Variants in SHTN1 observed in about 807,000 individuals in gnomAD.
SHTN1 encodes shootin 1, also known as shootin-1.
SHTN1 carries 42 observed loss-of-function variants against 83.1 expected under a neutral mutation model. That is an observed-to-expected ratio of 0.51 (90% CI 0.39 to 0.65). The LOEUF (loss-of-function observed/expected upper bound fraction) is 0.65, where lower values mean the gene tolerates loss of function less well. SHTN1 is among the 30% of genes least tolerant of loss of function. The pLI is 0.00. For missense variants in SHTN1, 622 were observed against 737.8 expected (o/e 0.84, Z 1.82); for synonymous variants, 224 against 247.7 (o/e 0.90, Z 0.90).
intron 10 of SHTN1, 143 bp from the exon 11 acceptor site, chr10:116,928,034 G>C (rs1848810177): frequency 1.1e-6 from 1 of 893,068 alleles, no homozygotes; most frequent in Non-Finnish European, 1.7e-6. Context: ...TGAAATTACA[G>C]ACCTTTTTAA....
In SHTN1 at chr10:116,979,311, A is replaced by G; in HGVS notation, c.59-3T>C. 3 of 1,613,090 alleles carry G rather than the reference A, an allele frequency of 1.9e-6. No homozygotes were observed. The highest frequency in any genetic ancestry group is 1.7e-5 in the Admixed American group (1 of 60,030). The stretch of plus-strand genomic sequence containing the variant: ...AAGGTCTTCATATTCGCCTATTGCT[A>G]AAAGAAAAAAGGAAAGCAACATTAC... On this transcript the variant is annotated splice_region_variant and splice_polypyrimidine_tract_variant and intron_variant, in intron 1 of 16. Transcript: ENST00000355371.
rs143131611 is a variant in SHTN1, at chr10:117,040,731, G to A, written c.-123+7714C>T. ...TCAATTGACTTTTCATTACTTTTGT[G>A]GTGTTTACTATGGTCTGAACAGTTT... On this transcript the variant is annotated intron_variant, in intron 2 of 17. Coordinates refer to the SHTN1 transcript ENST00000392901. 5.9e-3 allele frequency among the ~76,000 whole-genome samples: 900 copies of A among 152,040 alleles called. 12 individuals are homozygous for A. Among genetic ancestry groups the A allele is most frequent in the African/African-American group, 0.019 (783 of 41,496 alleles).
At chr10:117,026,701 C>G (rs1391266324) in intron 2 of SHTN1, among the ~76,000 whole-genome samples, 1 of 152,214 alleles carries the variant, frequency 6.6e-6, no homozygotes. Context: ...GGATTACAGG[C>G]ATGAGCCACC....
At chr10:117,038,185 G>A (rs183176977) in intron 2 of SHTN1, among the ~76,000 whole-genome samples, 52 of 152,070 alleles carry the variant, frequency 3.4e-4, no homozygotes, top group African/African-American at 1.2e-3. Flanking sequence ...CTGTCACCCA[G>A]GATGGCATGC....
At chr10:117,067,626 A>G (rs970651178) in intron 1 of SHTN1, among the ~76,000 whole-genome samples, 5 of 152,158 alleles carry the variant, frequency 3.3e-5, no homozygotes, top group African/African-American at 1.2e-4. Flanking sequence ...AAAAATTTTA[A>G]AATCAATCAA....
intron 1 of SHTN1, among the ~76,000 whole-genome samples, chr10:117,092,070 AAAGATTTAACCCAGATGTGACAC>A (rs1589929050): frequency 6.6e-6 from 1 of 152,238 alleles, no homozygotes; most frequent in East Asian, 1.9e-4. Context: ...GGGATAGATG[AAAGATTTAACCCAGATGTGACAC>A]CAAAGCCTGT....
chr10:116,969,930 T>C (rs1210382991), intron 2 of SHTN1, among the ~76,000 whole-genome samples: 3 of 152,238 alleles, frequency 2.0e-5, no homozygotes, highest in Non-Finnish European at 4.4e-5. Flanking sequence ...ATCTTGGGAA[T>C]ACCTTATTCC....
chr10:117,112,291 G>C (rs901859359), intron 1 of SHTN1, among the ~76,000 whole-genome samples: 3 of 151,998 alleles, frequency 2.0e-5, no homozygotes, highest in Middle Eastern at 3.2e-3. Flanking sequence ...ATAAAGTCCT[G>C]GTCATCAGAA....
intron 1 of SHTN1, among the ~76,000 whole-genome samples, chr10:116,993,573 AC>A (rs1332840818): frequency 2.6e-5 from 4 of 152,144 alleles, no homozygotes; most frequent in Non-Finnish European, 5.9e-5. Context: ...TATATAATTA[AC>A]TTTAGAGTTC....
chr10:116,904,275 C>A (rs544923555), intron 15 of SHTN1, among the ~76,000 whole-genome samples: 19 of 152,292 alleles, frequency 1.2e-4, no homozygotes, highest in African/African-American at 4.6e-4. Flanking sequence ...TTCTTGCTTA[C>A]TTTCCCCCCT....
At chr10:117,017,363 T>C (rs1589897162) in intron 2 of SHTN1, among the ~76,000 whole-genome samples, 1 of 150,672 alleles carries the variant, frequency 6.6e-6, no homozygotes, top group Non-Finnish European at 1.5e-5. Context: ...CAGTGGCGGG[T>C]GCCTGTAGTC....
At chr10:117,002,036 A>G (rs1406095031) in intron 1 of SHTN1, among the ~76,000 whole-genome samples, 1 of 152,208 alleles carries the variant, frequency 6.6e-6, no homozygotes, top group Non-Finnish European at 1.5e-5. Flanking sequence ...AAAACTTGTC[A>G]GGCCATCAAA....
intron 1 of SHTN1, among the ~76,000 whole-genome samples, chr10:116,990,833 T>G (rs1396386330): frequency 6.6e-6 from 1 of 152,142 alleles, no homozygotes; most frequent in African/African-American, 2.4e-5. Context: ...GTGGTGTGGC[T>G]CTTGGAAGGG....
At chr10:117,031,171 G>A (rs1329247117) in intron 2 of SHTN1, among the ~76,000 whole-genome samples, 1 of 152,086 alleles carries the variant, frequency 6.6e-6, no homozygotes, top group Non-Finnish European at 1.5e-5. Flanking sequence ...GCACTTTTTG[G>A]TGGAAACCTT....
intron 1 of SHTN1, among the ~76,000 whole-genome samples, chr10:117,049,855 G>A (rs544942543): frequency 6.6e-6 from 1 of 152,204 alleles, no homozygotes; most frequent in African/African-American, 2.4e-5. Context: ...GTGGGACATA[G>A]CTAAAGTAGC....
rs182117995 is a variant in SHTN1, at chr10:116,956,968, T to G, written c.268-2758A>C. On this transcript the variant is annotated intron_variant, in intron 4 of 16. Coordinates refer to ENST00000355371, the MANE Select transcript of SHTN1 (RefSeq NM_001127211.3). Reference sequence around the variant, plus strand: ...TCTTGCTCTGTCACCCAGGTTAGAGTGCAGTGGTATGATCATAGCTCACCA... The same window carrying G: ...TCTTGCTCTGTCACCCAGGTTAGAGGGCAGTGGTATGATCATAGCTCACCA... 4.3e-4 allele frequency among the ~76,000 whole-genome samples: 66 copies of G among 152,194 alleles called. No homozygotes were observed. The East Asian group carries it at 0.012, about 27-fold the overall frequency.
intron 1 of SHTN1, among the ~76,000 whole-genome samples, chr10:117,086,218 T>G (rs996203251): frequency 1.2e-4 from 18 of 152,324 alleles, no homozygotes; most frequent in Admixed American, 3.3e-4. Flanking sequence ...GCGTCCATCA[T>G]GAGCCACCGC....
chr10:117,108,804 GGAGT>G (rs1164922554), intron 1 of SHTN1, among the ~76,000 whole-genome samples: 1 of 152,160 alleles, frequency 6.6e-6, no homozygotes, highest in Non-Finnish European at 1.5e-5. Flanking sequence ...TGACACTGAT[GGAGT>G]GAGGAAAACA....
At chr10:117,005,620 A>G (rs2133550220), upstream of SHTN1, 1 of 985,456 alleles carries the variant, frequency 1.0e-6, no homozygotes, top group Non-Finnish European at 1.2e-6. Context: ...TTCCCGCAGT[A>G]GACTCTGGGG....
Sources: gnomAD v4.1 joint callset for allele counts (sites outside exome capture counted in the v4.1 genomes callset) on GRCh38, gnomAD v4.1.1 for gene constraint, MANE v1.5 for transcripts, NCBI Gene and HGNC (gene_info 2026-07-23, HGNC 2026-07-21) for gene names.